The following KCNIP1 variants were observed in gnomAD, a reference collection of about 807,000 sequenced individuals.
KCNIP1 encodes A-type potassium channel modulatory protein KCNIP1.
KCNIP1 carries 18 observed loss-of-function variants against 33.0 expected under a neutral mutation model. The observed-to-expected ratio is 0.55, with a 90% CI of 0.38 to 0.81. KCNIP1 has a LOEUF of 0.81. Ranked by LOEUF, KCNIP1 falls within the 30% of genes least tolerant of loss-of-function variation. The probability of loss-of-function intolerance (pLI) is 0.00; values close to 1 mark genes in which losing one functional copy is unlikely to be tolerated. For missense variants in KCNIP1, 238 were observed against 271.6 expected (o/e 0.88, Z 0.87); for synonymous variants, 93 against 98.3 (o/e 0.95, Z 0.32).
chr5:170,504,110 T>C lies in KCNIP1; in HGVS notation c.-463T>C. ...GCGCGGTCCGGGCTCTGTTCATTCA[T>C]GATTGGTACTCGGCCCTCCGAGACC... On this transcript the variant is annotated 5_prime_UTR_variant, in exon 1 of 8. It removes an upstream start codon present in the reference 5' UTR. Transcript: ENST00000328939. The surrounding 1 kb of genome is among the most constrained non-coding windows in gnomAD (Gnocchi z 6.0). 23 of 987,410 alleles carry C rather than the reference T, an allele frequency of 2.3e-5. No homozygotes were observed. Among genetic ancestry groups the C allele is most frequent in the South Asian group, 4.7e-5 (1 of 21,356 alleles). The allele number at this position is 987,410 out of a possible 1,614,324, so 61.2% of individuals were successfully genotyped here.
chr5:170,578,135 C>T (rs940577340), intron 1 of KCNIP1, among the ~76,000 whole-genome samples: 15 of 152,126 alleles, frequency 9.9e-5, no homozygotes, highest in African/African-American at 3.4e-4. Flanking sequence ...TCAGAGGCCC[C>T]GTGGCAGATG....
intron 1 of KCNIP1, among the ~76,000 whole-genome samples, chr5:170,369,248 G>T (rs957149683): frequency 2.0e-5 from 3 of 152,182 alleles, no homozygotes; most frequent in African/African-American, 7.2e-5. Context: ...GTAAAATGGG[G>T]ATAATGAAAA....
intron 1 of KCNIP1, among the ~76,000 whole-genome samples, chr5:170,469,562 G>A (rs1756678291): frequency 6.6e-6 from 1 of 152,098 alleles, no homozygotes; most frequent in Non-Finnish European, 1.5e-5. Context: ...TCCTCTCACT[G>A]TCTCTACTTC....
intron 1 of KCNIP1, among the ~76,000 whole-genome samples, chr5:170,355,377 C>T (rs1763318755): frequency 6.6e-6 from 1 of 152,222 alleles, no homozygotes; most frequent in Admixed American, 6.5e-5. Context: ...CCCATTCAAT[C>T]CTCAGAGACA....
chr5:170,686,935 T>G (rs1762555127), intron 1 of KCNIP1, among the ~76,000 whole-genome samples: 1 of 152,092 alleles, frequency 6.6e-6, no homozygotes, highest in Non-Finnish European at 1.5e-5. Context: ...TTTTGTGCCC[T>G]TCCTCTTCCC....
intron 1 of KCNIP1, among the ~76,000 whole-genome samples, chr5:170,410,870 G>T (rs1338614187): frequency 2.0e-5 from 3 of 152,164 alleles, no homozygotes; most frequent in Non-Finnish European, 4.4e-5. Flanking sequence ...GTGGAACAGG[G>T]CCCCACACAG....
intron 1 of KCNIP1, among the ~76,000 whole-genome samples, chr5:170,647,877 A>G (rs954063508): frequency 1.3e-5 from 2 of 152,216 alleles, no homozygotes; most frequent in Middle Eastern, 3.2e-3. Context: ...AAAAATATAT[A>G]TCTGATAAAG....
intron 1 of KCNIP1, among the ~76,000 whole-genome samples, chr5:170,367,506 G>C (rs952494023): frequency 3.3e-5 from 5 of 152,094 alleles, no homozygotes; most frequent in Non-Finnish European, 7.3e-5. Flanking sequence ...GCATAGAGTA[G>C]GGGCCTAACA....
At chr5:170,414,079 G>A (rs1169525900) in intron 1 of KCNIP1, among the ~76,000 whole-genome samples, 1 of 152,154 alleles carries the variant, frequency 6.6e-6, no homozygotes, top group African/African-American at 2.4e-5. Context: ...GCCTTAGGAA[G>A]AACTCTGAGA....
At chr5:170,660,178 T>C (rs1323536483) in intron 1 of KCNIP1, among the ~76,000 whole-genome samples, 2 of 152,116 alleles carry the variant, frequency 1.3e-5, no homozygotes, top group African/African-American at 2.4e-5. Flanking sequence ...ATTATAGATA[T>C]AGTTATAGCC....
chr5:170,567,118 G>A (rs1475138299), intron 1 of KCNIP1, among the ~76,000 whole-genome samples: 1 of 152,230 alleles, frequency 6.6e-6, no homozygotes, highest in Non-Finnish European at 1.5e-5. Context: ...GTCAGAGGCA[G>A]TGGTTCTTGG....
chr5:170,506,601 C>G (rs534978968), intron 1 of KCNIP1, among the ~76,000 whole-genome samples: 1 of 152,324 alleles, frequency 6.6e-6, no homozygotes, highest in Non-Finnish European at 1.5e-5. Context: ...TTGCTTCTGT[C>G]TCCTCGGATT....
intron 1 of KCNIP1, chr5:170,681,033 G>A (rs1161850290): frequency 2.5e-6 from 1 of 399,454 alleles, no homozygotes. Context: ...TTGAATGACC[G>A]CCTAGCGCTT....
chr5:170,593,091 T>A (rs549898789), intron 1 of KCNIP1, among the ~76,000 whole-genome samples: 58 of 152,324 alleles, frequency 3.8e-4, no homozygotes, highest in African/African-American at 1.2e-3. Context: ...GAAAATTGGC[T>A]CATTTACTTC....
chr5:170,559,081 A>AACT (rs1471379765), intron 1 of KCNIP1, among the ~76,000 whole-genome samples: 1 of 152,204 alleles, frequency 6.6e-6, no homozygotes, highest in African/African-American at 2.4e-5. Context: ...CAGCTGTATG[A>AACT]ACTACTGTTG....
chr5:170,625,960 G>C (rs1314438831), intron 1 of KCNIP1, among the ~76,000 whole-genome samples: 1 of 152,182 alleles, frequency 6.6e-6, no homozygotes, highest in Non-Finnish European at 1.5e-5. Flanking sequence ...CCCCAAGTGG[G>C]AACAACCTCA....
chr5:170,590,351 C>A (rs1031360310), intron 1 of KCNIP1, among the ~76,000 whole-genome samples: 3 of 152,092 alleles, frequency 2.0e-5, no homozygotes, highest in Non-Finnish European at 4.4e-5. Flanking sequence ...GGTCTGGGGG[C>A]CCCATGCTGC....
chr5:170,519,485 G>A (rs1373472975), intron 1 of KCNIP1, among the ~76,000 whole-genome samples: 2 of 152,198 alleles, frequency 1.3e-5, no homozygotes, highest in African/African-American at 2.4e-5. Flanking sequence ...CCCTAGGGAA[G>A]TATTTCTGCT....
intron 1 of KCNIP1, among the ~76,000 whole-genome samples, chr5:170,671,351 C>A (rs981297807): frequency 3.3e-5 from 5 of 152,164 alleles, no homozygotes; most frequent in African/African-American, 1.2e-4. Context: ...AGCACTTAGG[C>A]CCCCACAGCC....
Sources: gnomAD v4.1 joint callset for allele counts (sites outside exome capture counted in the v4.1 genomes callset) on GRCh38, gnomAD v4.1.1 for gene constraint, Gnocchi (gnomAD v3.1) non-coding constraint, MANE v1.5 for transcripts, NCBI Gene and HGNC (gene_info 2026-07-23, HGNC 2026-07-21) for gene names.